Variants in RFTN1 observed in about 807,000 individuals in gnomAD.
RFTN1 encodes the protein raftlin.
A neutral mutation model predicts 46.5 loss-of-function variants in RFTN1; 26 were observed. That is an observed-to-expected ratio of 0.56 (90% CI 0.41 to 0.78). RFTN1 has a LOEUF of 0.78. Among genes scored for constraint, RFTN1 ranks in the 30% least tolerant of loss-of-function variants. The pLI, the probability that RFTN1 is intolerant of heterozygous loss-of-function variation, is 0.00. For synonymous variants in RFTN1, 261 were observed against 284.2 expected, an observed-to-expected ratio of 0.92 and a Z score of 0.82; for missense variants, 693 against 718.7, an observed-to-expected ratio of 0.96 and a Z score of 0.41.
rs112517796 is a variant in RFTN1, at chr3:16,473,061, G to A, written c.145+20664C>T. 7.9e-5 allele frequency among the ~76,000 whole-genome samples: 12 copies of A among 152,286 alleles called. No individual in the cohort carries two copies. Among genetic ancestry groups the A allele is most frequent in the East Asian group, 5.8e-4 (3 of 5,190 alleles). On this transcript the variant is annotated intron_variant, in intron 2 of 9. Coordinates refer to ENST00000334133, the MANE Select transcript of RFTN1 (RefSeq NM_015150.2). The surrounding 1 kb of genome is among the most constrained non-coding windows in gnomAD (Gnocchi z 5.3). ...TCTGTTGGCTATAAATGAACTCATC[G>A]ATAACACTCATTTCCCATTTAGATT...
chr3:16,333,947 C>CG (rs1463083647), intron 7 of RFTN1, among the ~76,000 whole-genome samples: 2 of 152,142 alleles, frequency 1.3e-5, no homozygotes, highest in African/African-American at 4.8e-5. Flanking sequence ...GGGTAGAGCA[C>CG]GAGGTCAGGA....
chr3:16,341,882 A>T lies in RFTN1; in HGVS notation c.1147-15006T>A, dbSNP rs746059091. 2.0e-5 allele frequency among the ~76,000 whole-genome samples: 3 copies of T among 152,216 alleles called. No homozygotes were observed. The highest frequency in any genetic ancestry group is 4.4e-5 in the Non-Finnish European group (3 of 68,040). ...GATACCATTTTTGTAAAAAATATGCAAATATAGATAGAATATACACAGGAA... is the reference window on the plus strand; with the variant it reads ...GATACCATTTTTGTAAAAAATATGCTAATATAGATAGAATATACACAGGAA... On this transcript the variant is annotated intron_variant, in intron 7 of 9. Transcript: ENST00000334133. This position sits in a 1 kb window ranked among gnomAD's most constrained non-coding sequence, Gnocchi z 4.7.
rs1404539132 is a variant in RFTN1, at chr3:16,402,365, C to T, written c.441+7010G>A. Reference sequence around the variant, plus strand: ...CCAGCCGCCAGCTCACTGTCTTCCACTCTGAAGACACACTCATTGCTGGGA... The same window carrying T: ...CCAGCCGCCAGCTCACTGTCTTCCATTCTGAAGACACACTCATTGCTGGGA... On this transcript the variant is annotated intron_variant, in intron 4 of 9. Transcript: ENST00000334133. This position sits in a 1 kb window ranked among gnomAD's most constrained non-coding sequence, Gnocchi z 4.5. 6.6e-6 allele frequency among the ~76,000 whole-genome samples: 1 copy of T among 152,208 alleles called. No homozygotes were observed. The highest frequency in any genetic ancestry group is 1.5e-5 in the Non-Finnish European group (1 of 68,032).
At chr3:16,437,307 C>G (rs1289683675) in intron 2 of RFTN1, among the ~76,000 whole-genome samples, 1 of 152,072 alleles carries the variant, frequency 6.6e-6, no homozygotes, top group Non-Finnish European at 1.5e-5. Context: ...TAGTAAATAC[C>G]TTTGTCCATA....
At chr3:16,325,384 A>G (rs2069590828) in intron 8 of RFTN1, among the ~76,000 whole-genome samples, 1 of 152,222 alleles carries the variant, frequency 6.6e-6, no homozygotes, top group Non-Finnish European at 1.5e-5. Flanking sequence ...ATTATTTAGC[A>G]GGTGTGAAGG....
chr3:16,445,268 A>C (rs945782794), intron 2 of RFTN1, among the ~76,000 whole-genome samples: 2 of 152,126 alleles, frequency 1.3e-5, no homozygotes, highest in Non-Finnish European at 2.9e-5. Context: ...ATACCTTCTC[A>C]TGGGCCTCAC....
rs144232227 is a variant in RFTN1, at chr3:16,432,021, T to G, written c.332+1830A>C. ...TGTCTCAGTTTTCTCACCTTTAAAA[T>G]GGGAACAAAGATGACACTTATTTCA... On this transcript the variant is annotated intron_variant, in intron 3 of 9. Coordinates refer to ENST00000334133, the MANE Select transcript of RFTN1 (RefSeq NM_015150.2). Among the ~76,000 whole-genome samples the G allele has an allele frequency of 2.8e-4, 42 of 152,284 alleles. No homozygotes were observed. The Middle Eastern group carries it at 0.01, about 37-fold the overall frequency.
Position 16,442,225 on chromosome 3 carries a change from A to G in RFTN1, c.146-8188T>C, listed in dbSNP as rs1051922846. Among the ~76,000 whole-genome samples the G allele has an allele frequency of 8.5e-5, 13 of 152,224 alleles. No homozygotes were observed. Among genetic ancestry groups the G allele is most frequent in the Non-Finnish European group, 1.6e-4 (11 of 68,030 alleles). ...TTTTAAAATTTGAAGTGAAATTTCC[A>G]TAACATAAAATTAATCATTTTAAAG... is the stretch of plus-strand genomic sequence containing the variant. On this transcript the variant is annotated intron_variant, in intron 2 of 9. Coordinates refer to ENST00000334133, the MANE Select transcript of RFTN1 (RefSeq NM_015150.2). This position sits in a 1 kb window ranked among gnomAD's most constrained non-coding sequence, Gnocchi z 4.1.
Position 16,418,823 on chromosome 3 carries a change from T to C in RFTN1, c.333-9340A>G, listed in dbSNP as rs2075133299. Reference sequence around the variant, plus strand: ...ATAAAAATCTCCACTTATTCATTTGTCTATCCATCACCTGCTTGACTGCTG... The same window carrying C: ...ATAAAAATCTCCACTTATTCATTTGCCTATCCATCACCTGCTTGACTGCTG... On this transcript the variant is annotated intron_variant, in intron 3 of 9. Transcript: ENST00000334133. The surrounding 1 kb of genome is among the most constrained non-coding windows in gnomAD (Gnocchi z 5.0). Among the ~76,000 whole-genome samples, 5 of 152,222 alleles carry C rather than the reference T, an allele frequency of 3.3e-5. No homozygotes were observed. The South Asian group carries it at 1.0e-3, about 31-fold the overall frequency.
Position 16,500,646 on chromosome 3 carries a change from G to C in RFTN1, c.-8-6769C>G, listed in dbSNP as rs2076695673. Reference sequence around the variant, plus strand: ...AATGATCTGGAAACAAAGATCCCTTGAATGGTGATCTTCTGGAAAAAATTT... The same window carrying C: ...AATGATCTGGAAACAAAGATCCCTTCAATGGTGATCTTCTGGAAAAAATTT... On this transcript the variant is annotated intron_variant, in intron 1 of 9. Coordinates refer to ENST00000334133, the MANE Select transcript of RFTN1 (RefSeq NM_015150.2). The surrounding 1 kb of genome is among the most constrained non-coding windows in gnomAD (Gnocchi z 5.9). Among the ~76,000 whole-genome samples, 1 of 152,206 alleles carries C rather than the reference G, an allele frequency of 6.6e-6. No homozygotes were observed. Among genetic ancestry groups the C allele is most frequent in the African/African-American group, 2.4e-5 (1 of 41,458 alleles).
chr3:16,364,539 C>G (rs2073035926), intron 6 of RFTN1, among the ~76,000 whole-genome samples: 1 of 152,116 alleles, frequency 6.6e-6, no homozygotes, highest in Non-Finnish European at 1.5e-5. Context: ...GACCACTGCA[C>G]CATACTCTCT....
At chr3:16,369,960 G>C (rs2073425966) in intron 6 of RFTN1, 116 bp downstream of exon 6, 5 of 943,706 alleles carry the variant, frequency 5.3e-6, no homozygotes, top group Non-Finnish European at 8.3e-6. Flanking sequence ...AATGCAGCAT[G>C]GTTATCGGCT....
chr3:16,357,961 T>A lies in RFTN1; in HGVS notation c.1117A>T (p.Ile373Phe). The A allele has an allele frequency of 6.2e-7, 1 of 1,611,022 alleles. No homozygotes were observed. Among genetic ancestry groups the A allele is most frequent in the South Asian group, 1.1e-5 (1 of 91,000 alleles). The change falls in exon 7 of 10, where the codon ATT (isoleucine) becomes TTT (phenylalanine). Residue 373 changes from isoleucine to phenylalanine, a missense_variant. Physicochemically the swap from Ile to Phe is conservative, Grantham distance 21 (BLOSUM62 0). Coordinates refer to ENST00000334133, the MANE Select transcript of RFTN1 (RefSeq NM_015150.2). ...AGGACTGTCCATTGTTCAACCACAA[T>A]AGCATCATAGCCCTGTATGGTTTTG... ...DSKTIQGYDA[I>F]VVEQWTVLEG... is the part of the protein sequence containing the mutation.
rs2072226435 is a variant in RFTN1 at position 16,353,464 on chromosome 3, C to T, written c.1146+4468G>A. Among the ~76,000 whole-genome samples, 3 of 152,162 alleles carry T rather than the reference C, an allele frequency of 2.0e-5. No homozygotes were observed. The highest frequency in any genetic ancestry group is 7.2e-5 in the African/African-American group (3 of 41,438). On this transcript the variant is annotated intron_variant, in intron 7 of 9. Coordinates refer to ENST00000334133, the MANE Select transcript of RFTN1 (RefSeq NM_015150.2). This position sits in a 1 kb window ranked among gnomAD's most constrained non-coding sequence, Gnocchi z 5.4. ...ACAGAGCTGTCTACACTTAGTTCCC[C>T]TAAGACAGGGATTCTCAAGGTGGGG...
chr3:16,446,289 C>A lies in RFTN1; in HGVS notation c.146-12252G>T, dbSNP rs1217502954. The stretch of plus-strand genomic sequence containing the variant: ...TAAAGCTCAGAGGAAACCTAGAAAC[C>A]TTTAAAAAAAAAAAAACTGTGGTAA... On this transcript the variant is annotated intron_variant, in intron 2 of 9. Coordinates refer to ENST00000334133, the MANE Select transcript of RFTN1 (RefSeq NM_015150.2). The surrounding 1 kb of genome is among the most constrained non-coding windows in gnomAD (Gnocchi z 4.5). Among the ~76,000 whole-genome samples, 1 of 146,652 alleles carries A rather than the reference C, an allele frequency of 6.8e-6. No homozygotes were observed. Among genetic ancestry groups the A allele is most frequent in the East Asian group, 1.9e-4 (1 of 5,138 alleles).
At chr3:16,328,287 C>T (rs938463718) in intron 7 of RFTN1, among the ~76,000 whole-genome samples, 64 of 152,198 alleles carry the variant, frequency 4.2e-4, no homozygotes, top group South Asian at 2.1e-4. Context: ...GGTCTGTGGT[C>T]GGCTTAACTC....
chr3:16,511,582 C>G (rs957305588), intron 1 of RFTN1, among the ~76,000 whole-genome samples: 2 of 152,104 alleles, frequency 1.3e-5, no homozygotes, highest in Non-Finnish European at 1.5e-5. Flanking sequence ...TCTCCTTAGT[C>G]CACCAAGTTA....
chr3:16,466,154 C>T lies in RFTN1; in HGVS notation c.145+27571G>A, dbSNP rs2076087240. ...TACACCATGCACCACAATCTTGCAT[C>T]TCTCATCACATTCCGTTTTCAGCCA... On this transcript the variant is annotated intron_variant, in intron 2 of 9. Transcript: ENST00000334133. The surrounding 1 kb of genome is among the most constrained non-coding windows in gnomAD (Gnocchi z 5.6). 2.0e-5 allele frequency among the ~76,000 whole-genome samples: 3 copies of T among 152,222 alleles called. No individual in the cohort carries two copies. The highest frequency in any genetic ancestry group is 2.9e-5 in the Non-Finnish European group (2 of 68,044).
At chr3:16,339,771 G>A (rs1029072197) in intron 7 of RFTN1, 3 of 152,130 alleles carry the variant, frequency 2.0e-5, no homozygotes, top group Non-Finnish European at 4.4e-5. Context: ...CTCCACAAAG[G>A]CAAGGAGTTT....
Sources: gnomAD v4.1 joint callset for allele counts (sites outside exome capture counted in the v4.1 genomes callset) on GRCh38, gnomAD v4.1.1 for gene constraint, Gnocchi (gnomAD v3.1) non-coding constraint, MANE v1.5 for transcripts, NCBI Gene and HGNC (gene_info 2026-07-23, HGNC 2026-07-21) for gene names.